The following PRR5 variants were observed in gnomAD, a reference collection of about 807,000 sequenced individuals.
PRR5 encodes the protein proline-rich protein 5.
In PRR5, 25 loss-of-function variants were observed where a neutral mutation model predicts 30.6. That is an observed-to-expected ratio of 0.82 (90% confidence interval 0.60 to 1.14). The LOEUF is 1.14. Ranked by LOEUF, PRR5 falls within the 50% of genes most tolerant of loss-of-function variation. The probability of loss-of-function intolerance (pLI) is 0.00; values close to 1 mark genes in which losing one functional copy is unlikely to be tolerated. For synonymous variants in PRR5, 286 were observed against 247.1 expected (o/e 1.16, Z -1.48); for missense variants, 600 against 547.1 (o/e 1.10, Z -0.96).
At chr22:44,731,923 C>T in intron 5 of PRR5, 102 bp downstream of exon 5, 4 of 1,205,572 alleles carry the variant, frequency 3.3e-6, no homozygotes, top group Non-Finnish European at 4.6e-6. Context: ...ACACACACAC[C>T]TGCTCTGCTC....
chr22:44,677,494 TAGC>T (rs1191408947), intron 1 of PRR5, among the ~76,000 whole-genome samples: 2 of 152,136 alleles, frequency 1.3e-5, no homozygotes, highest in Non-Finnish European at 2.9e-5. Flanking sequence ...ATTTTTAGAG[TAGC>T]AGCAATAACA....
At chr22:44,709,831 G>A (rs1268922780) in intron 1 of PRR5, among the ~76,000 whole-genome samples, 1 of 152,046 alleles carries the variant, frequency 6.6e-6, no homozygotes, top group East Asian at 1.9e-4. Context: ...CAGCCTAGGT[G>A]ACAGAACGAG....
upstream of PRR5, among the ~76,000 whole-genome samples, chr22:44,699,619 G>A (rs1387767036): frequency 1.3e-5 from 2 of 152,216 alleles, no homozygotes; most frequent in Non-Finnish European, 2.9e-5. Flanking sequence ...TGCTAGGCAC[G>A]GGGACTGTAG....
intron 1 of PRR5, among the ~76,000 whole-genome samples, chr22:44,713,857 G>A (rs1204510897): frequency 1.3e-5 from 2 of 152,218 alleles, no homozygotes; most frequent in Admixed American, 6.5e-5. Flanking sequence ...AGGCTGGAGT[G>A]CAGTGGCGCG....
At chr22:44,683,968 C>G (rs538163966) in intron 1 of PRR5, among the ~76,000 whole-genome samples, 1 of 152,272 alleles carries the variant, frequency 6.6e-6, no homozygotes, top group Non-Finnish European at 1.5e-5. Flanking sequence ...GGCTGGGCCC[C>G]TCGCAGGGGT....
At chr22:44,672,223 G>A (rs1485002447), upstream of PRR5, among the ~76,000 whole-genome samples, 1 of 152,218 alleles carries the variant, frequency 6.6e-6, no homozygotes, top group Non-Finnish European at 1.5e-5. Flanking sequence ...GGAGTTTGCT[G>A]TTGTGTTACA....
chr22:44,731,667 G>C (rs1484313173), intron 4 of PRR5, 63 bp from the exon 5 acceptor site: 1 of 1,538,962 alleles, frequency 6.5e-7, no homozygotes, highest in South Asian at 1.1e-5. Context: ...GACCCATCCT[G>C]GGTGAGTGGA....
chr22:44,689,092 C>G (rs1925014679), intron 1 of PRR5, among the ~76,000 whole-genome samples: 1 of 152,056 alleles, frequency 6.6e-6, no homozygotes, highest in Non-Finnish European at 1.5e-5. Flanking sequence ...AATTTTTTAT[C>G]TAACATTTCT....
intron 1 of PRR5, among the ~76,000 whole-genome samples, chr22:44,704,938 T>C (rs1032505326): frequency 6.6e-6 from 1 of 152,210 alleles, no homozygotes; most frequent in Admixed American, 6.5e-5. Flanking sequence ...TGCATGCTCC[T>C]GCTCCTAGCG....
chr22:44,692,143 C>A (rs1320752794), intron 1 of PRR5, among the ~76,000 whole-genome samples: 1 of 152,044 alleles, frequency 6.6e-6, no homozygotes, highest in East Asian at 1.9e-4. Context: ...AAATCCTACA[C>A]CAAGCCCACA....
At chr22:44,712,194 C>G (rs975577863) in intron 1 of PRR5, among the ~76,000 whole-genome samples, 1 of 152,146 alleles carries the variant, frequency 6.6e-6, no homozygotes, top group Non-Finnish European at 1.5e-5. Flanking sequence ...GTAGAGAGCC[C>G]GTGTCCCCAG....
intron 2 of PRR5, among the ~76,000 whole-genome samples, chr22:44,721,006 TC>T (rs967438297): frequency 6.6e-6 from 1 of 152,102 alleles, no homozygotes; most frequent in African/African-American, 2.4e-5. Context: ...ACTTATTCCT[TC>T]GTCAGCATTC....
intron 1 of PRR5, among the ~76,000 whole-genome samples, chr22:44,682,046 G>A (rs1413937311): frequency 6.6e-6 from 1 of 152,228 alleles, no homozygotes; most frequent in East Asian, 1.9e-4. Context: ...ACGCGGCCAT[G>A]GACCTGCCTC....
chr22:44,713,389 G>A (rs959207817), intron 1 of PRR5, among the ~76,000 whole-genome samples: 2 of 152,168 alleles, frequency 1.3e-5, no homozygotes, highest in African/African-American at 2.4e-5. Flanking sequence ...GAGCCACCCC[G>A]CTCGGCCTAA....
chr22:44,725,513 C>T (rs1920928825), intron 3 of PRR5, among the ~76,000 whole-genome samples: 1 of 152,250 alleles, frequency 6.6e-6, no homozygotes, highest in African/African-American at 2.4e-5. Context: ...CTCTGTCATC[C>T]AGGCTGGAGT....
At chr22:44,723,486 G>C (rs778955396) in intron 2 of PRR5, among the ~76,000 whole-genome samples, 3 of 152,100 alleles carry the variant, frequency 2.0e-5, no homozygotes, top group Non-Finnish European at 2.9e-5. Context: ...TTGGGAGTCC[G>C]AGGCAGGTGG....
At position 44,736,960 on chromosome 22, in the gene PRR5, G is replaced by A. The variant is rs778266321; in HGVS notation, c.880G>A (p.Gly294Ser). 1 of 1,603,910 alleles carries A rather than the reference G, an allele frequency of 6.2e-7. No homozygotes were observed. The highest frequency in any genetic ancestry group is 1.1e-5 in the South Asian group (1 of 90,886). ...GATGACGTCCTGCCCCGAGCCTCAGGGCTTCTCCGACCCGCCCGGCCAGGG... is the reference window on the plus strand; with the variant it reads ...GATGACGTCCTGCCCCGAGCCTCAGAGCTTCTCCGACCCGCCCGGCCAGGG... ...SEMTSCPEPQ[G>S]FSDPPGQGPT... is the part of the protein sequence containing the mutation. The change falls in exon 8 of 8, where the codon GGC becomes AGC. Residue 294 changes from glycine to serine, a missense_variant. Physicochemically the swap from Gly to Ser is moderately conservative, Grantham distance 56. Transcript: ENST00000336985.
chr22:44,704,936 C>G lies in PRR5; in HGVS notation c.134+2328C>G, dbSNP rs1345469536. On this transcript the variant is annotated intron_variant, in intron 1 of 7. Transcript: ENST00000336985. ...CCCTTCTGGTCCCTGTCTGCATGCT[C>G]CTGCTCCTAGCGGTGCTCCCTGCCA... Among the ~76,000 whole-genome samples, 40 of 152,214 alleles carry G rather than the reference C, an allele frequency of 2.6e-4. 1 individual carries two copies. The highest frequency in any genetic ancestry group is 2.6e-3 in the Admixed American group (40 of 15,288).
intron 2 of PRR5, among the ~76,000 whole-genome samples, chr22:44,721,104 C>A (rs1299046226): frequency 6.6e-6 from 1 of 152,150 alleles, no homozygotes; most frequent in Non-Finnish European, 1.5e-5. Flanking sequence ...CCCCCGGGAC[C>A]CTCTGTTACC....
Sources: gnomAD v4.1 joint callset for allele counts (sites outside exome capture counted in the v4.1 genomes callset) on GRCh38, gnomAD v4.1.1 for gene constraint, MANE v1.5 for transcripts, NCBI Gene and HGNC (gene_info 2026-07-23, HGNC 2026-07-21) for gene names.